Variants in ADAM19 observed in about 807,000 individuals in gnomAD.
ADAM19 encodes the protein ADAM metallopeptidase domain 19, also known as disintegrin and metalloproteinase domain-containing protein 19.
Under a neutral mutation model 114.7 loss-of-function variants are expected in ADAM19, and 65 were observed. That is an observed-to-expected ratio of 0.57 (90% CI 0.46 to 0.70). The LOEUF is 0.70. Among genes scored for constraint, ADAM19 ranks in the 30% least tolerant of loss-of-function variants. The pLI, the probability that ADAM19 is intolerant of heterozygous loss-of-function variation, is 0.00. For synonymous variants in ADAM19, 466 were observed against 460.5 expected (o/e 1.01, Z -0.15); for missense variants, 1,063 against 1,204.7 (o/e 0.88, Z 1.74).
At chr5:157,499,394 G>A (rs1755476730) in intron 13 of ADAM19, among the ~76,000 whole-genome samples, 179 bp downstream of exon 13, 1 of 152,072 alleles carries the variant, frequency 6.6e-6, no homozygotes. Context: ...ATTCAGTGAG[G>A]CCCAGTATAG....
chr5:157,497,840 A>G (rs1461496149), intron 13 of ADAM19, among the ~76,000 whole-genome samples: 5 of 152,188 alleles, frequency 3.3e-5, no homozygotes, highest in Non-Finnish European at 5.9e-5. Flanking sequence ...GGTGTTACTA[A>G]TACTCTTTCC....
Position 157,497,066 on chromosome 5 carries a change from G to T in ADAM19, c.1422C>A (p.Cys474Ter), listed in dbSNP as rs1346880028. ...QCKLLAPGTLCREQARQCDLP... is the reference protein window; with the variant it reads ...QCKLLAPGTL ...GGTCACACTGCCTGGCCTGCTCGCG[G>T]CACAGGGTCCCAGGAGCCAACAGCT... Residue 474 changes from cysteine (C) to a stop codon, truncating the protein, a stop_gained, in exon 14 of 23, where the codon TGC becomes TGA. Coordinates refer to ENST00000257527, the MANE Select transcript of ADAM19 (RefSeq NM_033274.5). LOFTEE classifies it high-confidence loss of function. 6 of 1,536,162 alleles carry T rather than the reference G, an allele frequency of 3.9e-6. No homozygotes were observed. The highest frequency in any genetic ancestry group is 5.2e-6 in the Non-Finnish European group (6 of 1,148,262).
At chr5:157,574,038 A>G (rs1757901838) in intron 1 of ADAM19, among the ~76,000 whole-genome samples, 1 of 152,226 alleles carries the variant, frequency 6.6e-6, no homozygotes, top group Non-Finnish European at 1.5e-5. Context: ...CATGTTTTAC[A>G]GAGAATTTGA....
At chr5:157,561,719 C>T (rs1437211828) in intron 3 of ADAM19, among the ~76,000 whole-genome samples, 1 of 152,114 alleles carries the variant, frequency 6.6e-6, no homozygotes, top group Non-Finnish European at 1.5e-5. Flanking sequence ...AACAGCAGCT[C>T]CCATTCTACC....
chr5:157,574,235 C>G (rs1757908064), intron 1 of ADAM19, among the ~76,000 whole-genome samples: 2 of 152,176 alleles, frequency 1.3e-5, no homozygotes, highest in South Asian at 4.1e-4. Flanking sequence ...TTACACTTTT[C>G]GTTATTTCCC....
intron 7 of ADAM19, among the ~76,000 whole-genome samples, chr5:157,518,505 C>T (rs2113738762): frequency 6.6e-6 from 1 of 152,332 alleles, no homozygotes; most frequent in Non-Finnish European, 1.5e-5. Context: ...CTGCCACAGC[C>T]TCCCAAGTAG....
chr5:157,563,357 G>T (rs1212500420), intron 3 of ADAM19, among the ~76,000 whole-genome samples: 1 of 152,176 alleles, frequency 6.6e-6, no homozygotes, highest in Non-Finnish European at 1.5e-5. Context: ...CCACACTCGG[G>T]ACAGCACTCA....
rs1239053532 is a variant in ADAM19, at chr5:157,478,005, A to C, written c.*2944T>G. The C allele has an allele frequency of 3.8e-6, 1 of 264,162 alleles. No individual in the cohort carries two copies. The highest frequency in any genetic ancestry group is 7.7e-6 in the Non-Finnish European group (1 of 129,952). The allele number at this position is 264,162 out of a possible 1,614,324, so 16.4% of individuals were successfully genotyped here. A position where few individuals can be genotyped will look rare whatever the true frequency, so the allele number is the denominator to read the frequency against. ...TGGCTAGCAGGCAGTTACAAGATTG[A>C]GCCAGGTGCCCAGGCTAAGGCTTCT... On this transcript the variant is annotated 3_prime_UTR_variant, in exon 23 of 23. Coordinates refer to ENST00000257527, the MANE Select transcript of ADAM19 (RefSeq NM_033274.5).
intron 3 of ADAM19, among the ~76,000 whole-genome samples, chr5:157,548,428 G>C (rs1262775151): frequency 6.6e-6 from 1 of 152,210 alleles, no homozygotes; most frequent in African/African-American, 2.4e-5. Context: ...TGAAGGAAGA[G>C]AAGAAAGGAA....
intron 3 of ADAM19, among the ~76,000 whole-genome samples, chr5:157,544,962 C>T (rs555192496): frequency 6.6e-5 from 10 of 152,238 alleles, no homozygotes; most frequent in African/African-American, 2.2e-4. Context: ...GAGAAGGACC[C>T]TCTGAGATCA....
chr5:157,539,648 T>G (rs1756864829), intron 3 of ADAM19, among the ~76,000 whole-genome samples: 1 of 152,214 alleles, frequency 6.6e-6, no homozygotes, highest in Non-Finnish European at 1.5e-5. Flanking sequence ...AACCCCAGCT[T>G]TGTGAAGAGA....
At chr5:157,546,864 A>C (rs1234631986) in intron 3 of ADAM19, among the ~76,000 whole-genome samples, 1 of 152,216 alleles carries the variant, frequency 6.6e-6, no homozygotes, top group Non-Finnish European at 1.5e-5. Flanking sequence ...CAACCGGCTG[A>C]GGAAAGTCCG....
rs576723647 is a variant in ADAM19, at chr5:157,483,443, G to A, written c.2551-1500C>T. On this transcript the variant is annotated intron_variant, in intron 21 of 22. Transcript: ENST00000257527. The stretch of plus-strand genomic sequence containing the variant: ...AAAAAGAATGAAGTAGGTTGATAGG[G>A]GCTGGCGTGGGGAGATGTTCAAGAG... Among the ~76,000 whole-genome samples, 3 of 152,232 alleles carry A rather than the reference G, an allele frequency of 2.0e-5. No homozygotes were observed. The South Asian group carries it at 6.2e-4, about 32-fold the overall frequency.
intron 13 of ADAM19, among the ~76,000 whole-genome samples, chr5:157,498,688 G>GTATATATCTA (rs1755446869): frequency 7.0e-6 from 1 of 143,862 alleles, no homozygotes; most frequent in Non-Finnish European, 1.5e-5. Flanking sequence ...ATGTGTGTAT[G>GTATATATCTA]TATATATATA....
Position 157,479,908 on chromosome 5 carries a change from A to C in ADAM19, c.*1041T>G. 4.1e-6 allele frequency: 4 copies of C among 985,902 alleles called. No individual in the cohort carries two copies. The highest frequency in any genetic ancestry group is 4.8e-6 in the Non-Finnish European group (4 of 830,060). The allele number at this position is 985,902 out of a possible 1,614,324, so 61.1% of individuals were successfully genotyped here. On this transcript the variant is annotated 3_prime_UTR_variant, in exon 23 of 23. Transcript: ENST00000257527. ...CTAGATTTAGCTTAGAGTAAGGAGG[A>C]AGACCCCCACCCTGCTGAGGTCACA...
chr5:157,501,913 C>A (rs907424844), intron 12 of ADAM19, among the ~76,000 whole-genome samples: 5 of 151,764 alleles, frequency 3.3e-5, no homozygotes, highest in Non-Finnish European at 7.4e-5. Context: ...AAAAATTAAC[C>A]AGGTGTGGTG....
intron 5 of ADAM19, among the ~76,000 whole-genome samples, chr5:157,528,568 A>C (rs1756537682): frequency 6.6e-6 from 1 of 151,978 alleles, no homozygotes; most frequent in African/African-American, 2.4e-5. Context: ...ATTTGGGGCC[A>C]CTCTGTTATT....
At chr5:157,568,646 C>T (rs1215981621) in intron 2 of ADAM19, 1 of 151,670 alleles carries the variant, frequency 6.6e-6, no homozygotes, top group Non-Finnish European at 1.5e-5. Context: ...TTTGCATTCC[C>T]CCTAAGATCT....
In ADAM19 at chr5:157,501,727, C is replaced by T. The variant is rs181955015; in HGVS notation, c.1308+1076G>A. On this transcript the variant is annotated intron_variant, in intron 12 of 22. Coordinates refer to ENST00000257527, the MANE Select transcript of ADAM19 (RefSeq NM_033274.5). ...CTTGTTTTATTCTGAAAGTGACATA[C>T]TGGCATTAAAAAAAGAAAAATCACA... Among the ~76,000 whole-genome samples, 24 of 152,182 alleles carry T rather than the reference C, an allele frequency of 1.6e-4. No homozygotes were observed. The East Asian group carries it at 3.3e-3, about 21-fold the overall frequency.
Sources: allele counts gnomAD v4.1 joint callset (sites outside exome capture counted in the v4.1 genomes callset), GRCh38; gene constraint gnomAD v4.1.1; transcripts MANE v1.5; gene names NCBI Gene and HGNC (gene_info 2026-07-23, HGNC 2026-07-21).